The following CYSTM1 variants were observed in gnomAD, a reference collection of about 807,000 sequenced individuals.
CYSTM1 encodes cysteine rich transmembrane module containing 1, also known as cysteine-rich transmembrane module-containing protein 1.
A neutral mutation model predicts 13.1 loss-of-function variants in CYSTM1; 4 were observed. The ratio of observed to expected loss-of-function variants is 0.31; its 90% CI spans 0.15 to 0.70. The LOEUF is 0.70. Among genes scored for constraint, CYSTM1 ranks in the 30% least tolerant of loss-of-function variants. CYSTM1 has a pLI of 0.72. For missense variants in CYSTM1, 96 were observed against 121.6 expected (o/e 0.79, Z 0.99); for synonymous variants, 36 against 42.7 (o/e 0.84, Z 0.62).
intron 2 of CYSTM1, among the ~76,000 whole-genome samples, chr5:140,220,828 A>C (rs1488439750): frequency 6.6e-6 from 1 of 152,042 alleles, no homozygotes; most frequent in Non-Finnish European, 1.5e-5. Flanking sequence ...TGTGACCATG[A>C]GGTGTCTCTG....
At chr5:140,177,027 C>A (rs1162209563) in intron 1 of CYSTM1, among the ~76,000 whole-genome samples, 2 of 144,948 alleles carry the variant, frequency 1.4e-5, no homozygotes, top group African/African-American at 2.6e-5. Flanking sequence ...CGAGGCTGCG[C>A]CACTGCACTC....
At chr5:140,182,277 A>C (rs1334323055) in intron 1 of CYSTM1, among the ~76,000 whole-genome samples, 1 of 152,212 alleles carries the variant, frequency 6.6e-6, no homozygotes, top group Non-Finnish European at 1.5e-5. Context: ...AGGCAGCAGT[A>C]GATGGGTGGT....
In CYSTM1 at chr5:140,224,169, C is replaced by T. The variant is rs1398096890; in HGVS notation, c.188-19136C>T. On this transcript the variant is annotated intron_variant, in intron 2 of 2. Transcript: ENST00000261811. ...TGTTTGTTTTTTTGAGACGGAGTTT[C>T]GTTCTTGTTGCCCAGGCTGGAGTGC... Among the ~76,000 whole-genome samples the T allele has an allele frequency of 3.3e-5, 5 of 152,208 alleles. No homozygotes were observed. The East Asian group carries it at 9.7e-4, about 29-fold the overall frequency.
intron 2 of CYSTM1, among the ~76,000 whole-genome samples, chr5:140,215,412 G>C (rs1056058988): frequency 3.3e-5 from 5 of 151,950 alleles, no homozygotes; most frequent in African/African-American, 1.2e-4. Flanking sequence ...AGCGATCAGT[G>C]GTCCAGAAGA....
At chr5:140,192,933 G>A (rs1764109770) in intron 1 of CYSTM1, among the ~76,000 whole-genome samples, 1 of 152,180 alleles carries the variant, frequency 6.6e-6, no homozygotes, top group South Asian at 2.1e-4. Context: ...GTTAGGAAGG[G>A]AGAATATGGA....
intron 2 of CYSTM1, among the ~76,000 whole-genome samples, chr5:140,203,813 A>G (rs1764258209): frequency 6.6e-6 from 1 of 152,184 alleles, no homozygotes; most frequent in Non-Finnish European, 1.5e-5. Context: ...GAGTCCTCAC[A>G]TGATCATCTG....
Position 140,175,486 on chromosome 5 carries a change from C to T in CYSTM1, c.-21+201C>T, listed in dbSNP as rs899664823. 2.0e-5 allele frequency among the ~76,000 whole-genome samples: 3 copies of T among 151,398 alleles called. No individual in the cohort carries two copies. In the South Asian group the frequency reaches 6.3e-4, roughly 32 times the overall value. On this transcript the variant is annotated intron_variant, in intron 1 of 2. Coordinates refer to ENST00000261811, the MANE Select transcript of CYSTM1 (RefSeq NM_032412.4). This position sits in a 1 kb window ranked among gnomAD's most constrained non-coding sequence, Gnocchi z 4.9. ...CTGCTGCCGCCAGCTGGATCCCTCC[C>T]GGCGCCCCGCGGCTACTCTGGGGCT...
intron 2 of CYSTM1, among the ~76,000 whole-genome samples, chr5:140,220,236 G>T (rs140161625): frequency 6.2e-4 from 94 of 152,202 alleles, no homozygotes; most frequent in African/African-American, 2.2e-3. Context: ...CCCTAACCAC[G>T]GTTCCATCCT....
chr5:140,213,012 A>ATATATATATAT (rs34804832), intron 2 of CYSTM1, among the ~76,000 whole-genome samples: 1 of 84,634 alleles, frequency 1.2e-5, no homozygotes, highest in Non-Finnish European at 2.7e-5. Flanking sequence ...TATATATATG[A>ATATATATATAT]GAGAGAGAGA....
chr5:140,241,902 C>T (rs1271980068), intron 2 of CYSTM1, among the ~76,000 whole-genome samples: 1 of 152,202 alleles, frequency 6.6e-6, no homozygotes, highest in Non-Finnish European at 1.5e-5. Context: ...GCCTGGCTTG[C>T]CAGAGGCTTT....
At chr5:140,232,772 A>T (rs1183880892) in intron 2 of CYSTM1, among the ~76,000 whole-genome samples, 2 of 152,226 alleles carry the variant, frequency 1.3e-5, no homozygotes, top group African/African-American at 4.8e-5. Context: ...TGAGGCAGGA[A>T]GGCTAGGAAC....
At chr5:140,228,487 T>C (rs1022692486) in intron 2 of CYSTM1, among the ~76,000 whole-genome samples, 10 of 152,190 alleles carry the variant, frequency 6.6e-5, no homozygotes, top group Non-Finnish European at 1.3e-4. Context: ...CCTGGTCAGC[T>C]TGGAGGAGAG....
At chr5:140,242,349 CGA>C (rs1554070553) in intron 2 of CYSTM1, among the ~76,000 whole-genome samples, 5 of 152,092 alleles carry the variant, frequency 3.3e-5, no homozygotes, top group Non-Finnish European at 7.4e-5. Flanking sequence ...GAGGCGCTGC[CGA>C]GAGAGGTCTA....
chr5:140,240,495 G>A (rs1252084727), intron 2 of CYSTM1, among the ~76,000 whole-genome samples: 1 of 151,898 alleles, frequency 6.6e-6, no homozygotes, highest in East Asian at 2.0e-4. Context: ...CAAGTACTGA[G>A]TGGCCCAGGA....
chr5:140,209,324 T>A (rs554020411), intron 2 of CYSTM1, among the ~76,000 whole-genome samples: 3 of 150,576 alleles, frequency 2.0e-5, no homozygotes, highest in African/African-American at 7.3e-5. Context: ...TGGAGTGCAA[T>A]GGTGTGATCT....
At chr5:140,178,098 G>A (rs1763913588) in intron 1 of CYSTM1, among the ~76,000 whole-genome samples, 1 of 152,108 alleles carries the variant, frequency 6.6e-6, no homozygotes, top group African/African-American at 2.4e-5. Flanking sequence ...TAAACAACAG[G>A]GCTGGCCTTT....
intron 2 of CYSTM1, among the ~76,000 whole-genome samples, chr5:140,229,784 G>A (rs1471261425): frequency 2.6e-5 from 4 of 151,658 alleles, no homozygotes; most frequent in East Asian, 2.0e-4. Context: ...TGCAACCTCC[G>A]CCTCCCTGGT....
At chr5:140,182,704 G>A (rs1763973158) in intron 1 of CYSTM1, among the ~76,000 whole-genome samples, 1 of 151,686 alleles carries the variant, frequency 6.6e-6, no homozygotes, top group Non-Finnish European at 1.5e-5. Flanking sequence ...GTTTGTGGAT[G>A]TTGCTAATGA....
intron 2 of CYSTM1, among the ~76,000 whole-genome samples, chr5:140,228,446 C>G (rs1165756245): frequency 6.6e-6 from 1 of 152,190 alleles, no homozygotes; most frequent in Non-Finnish European, 1.5e-5. Context: ...TCACTTTGGA[C>G]AAGCAACAAA....
Sources: allele counts gnomAD v4.1 joint callset (sites outside exome capture counted in the v4.1 genomes callset), GRCh38; gene constraint gnomAD v4.1.1; non-coding constraint Gnocchi (gnomAD v3.1); transcripts MANE v1.5; gene names NCBI Gene and HGNC (gene_info 2026-07-23, HGNC 2026-07-21).